CDH12: variants seen among roughly 807,000 people sequenced by gnomAD.
CDH12 encodes the protein cadherin-12.
In CDH12, 41 loss-of-function variants were observed where a neutral mutation model predicts 74.1. The ratio of observed to expected loss-of-function variants is 0.55; its 90% CI spans 0.43 to 0.72. The LOEUF (loss-of-function observed/expected upper bound fraction) is 0.72, where lower values mean the gene tolerates loss of function less well. CDH12 is among the 30% of genes least tolerant of loss of function. CDH12 has a pLI of 0.00. For missense variants in CDH12, 945 were observed against 977.2 expected (o/e 0.97, Z 0.44); for synonymous variants, 399 against 355.0 (o/e 1.12, Z -1.39).
At chr5:21,827,542 C>A (rs1748748787) in intron 8 of CDH12, among the ~76,000 whole-genome samples, 1 of 152,140 alleles carries the variant, frequency 6.6e-6, no homozygotes, top group Non-Finnish European at 1.5e-5. Flanking sequence ...TTACAAAGCT[C>A]ACAACATTAA....
At chr5:22,554,695 T>G (rs1348461769) in intron 1 of CDH12, among the ~76,000 whole-genome samples, 1 of 152,096 alleles carries the variant, frequency 6.6e-6, no homozygotes, top group African/African-American at 2.4e-5. Context: ...CCTATTTAAC[T>G]ATGTAATGAT....
At chr5:22,186,324 A>C (rs1314420175) in intron 4 of CDH12, among the ~76,000 whole-genome samples, 1 of 152,214 alleles carries the variant, frequency 6.6e-6, no homozygotes, top group Non-Finnish European at 1.5e-5. Context: ...TTTTGATTTG[A>C]ATTTATCAGA....
chr5:22,629,202 C>A (rs987580884), intron 1 of CDH12, among the ~76,000 whole-genome samples: 7 of 151,992 alleles, frequency 4.6e-5, no homozygotes, highest in African/African-American at 1.7e-4. Flanking sequence ...TCTACTAAAA[C>A]TATTTCAAAA....
At chr5:22,735,366 G>T (rs1358634238) in intron 1 of CDH12, among the ~76,000 whole-genome samples, 2 of 151,822 alleles carry the variant, frequency 1.3e-5, no homozygotes, top group African/African-American at 4.8e-5. Context: ...GAAAATTTAT[G>T]AAATACACAC....
At chr5:22,682,524 T>C (rs1191377667) in intron 1 of CDH12, among the ~76,000 whole-genome samples, 1 of 152,064 alleles carries the variant, frequency 6.6e-6, no homozygotes, top group Non-Finnish European at 1.5e-5. Flanking sequence ...ATTTTAAGTG[T>C]ATATTACAGG....
In CDH12 at chr5:21,920,831, C is replaced by T. The variant is rs1370059854; in HGVS notation, c.526+54260G>A. Among the ~76,000 whole-genome samples the T allele has an allele frequency of 2.0e-5, 3 of 151,976 alleles. No homozygotes were observed. The East Asian group carries it at 5.8e-4, about 29-fold the overall frequency. On this transcript the variant is annotated intron_variant, in intron 6 of 14. Coordinates refer to ENST00000382254, the MANE Select transcript of CDH12 (RefSeq NM_004061.5). ...CACAATTTTATTTCATTTTTCTGAA[C>T]CTTCAACAACCCAAAAACATTTAGG...
At chr5:22,788,350 T>A (rs1747744595) in intron 1 of CDH12, among the ~76,000 whole-genome samples, 1 of 151,948 alleles carries the variant, frequency 6.6e-6, no homozygotes. Context: ...GGCAGATTTA[T>A]ATGCACCTTT....
chr5:22,549,666 A>G (rs1738480688), intron 1 of CDH12, among the ~76,000 whole-genome samples: 1 of 152,176 alleles, frequency 6.6e-6, no homozygotes, highest in African/African-American at 2.4e-5. Flanking sequence ...GAAATTTCTA[A>G]TATAGAGAAA....
chr5:21,894,088 A>G (rs1434656534), intron 6 of CDH12, among the ~76,000 whole-genome samples: 2 of 152,176 alleles, frequency 1.3e-5, no homozygotes, highest in Non-Finnish European at 2.9e-5. Flanking sequence ...TAAAGAAAAG[A>G]TAAATATTGG....
chr5:22,097,411 T>C (rs181563218), intron 4 of CDH12, among the ~76,000 whole-genome samples: 1 of 152,100 alleles, frequency 6.6e-6, no homozygotes, highest in African/African-American at 2.4e-5. Flanking sequence ...CCTTAATCAA[T>C]AAGGAGGCTA....
rs140718081 is a variant in CDH12, at chr5:22,692,840, C to T, written c.-523+160218G>A. ...TTTTTTTTTCCTGAATAAACCATTG[C>T]CTCCCATTTGTTTTTTCCTGCCATT... On this transcript the variant is annotated intron_variant, in intron 1 of 14. Coordinates refer to ENST00000382254, the MANE Select transcript of CDH12 (RefSeq NM_004061.5). Among the ~76,000 whole-genome samples the T allele has an allele frequency of 6.0e-3, 918 of 152,048 alleles. 6 individuals are homozygous for T. The highest frequency in any genetic ancestry group is 0.027 in the Middle Eastern group (8 of 294).
chr5:21,971,347 T>TA lies in CDH12; in HGVS notation c.526+3743dup, dbSNP rs201149330. 5.4e-3 allele frequency among the ~76,000 whole-genome samples: 825 copies of TA among 151,938 alleles called. 4 individuals are homozygous for TA. The highest frequency in any genetic ancestry group is 0.019 in the African/African-American group (790 of 41,456). ...CACAGGGGTTATTAAGTTTTCACAT[T>TA]AAAAAAAATCCAACAGTGAATAATA... On this transcript the variant is annotated intron_variant, in intron 6 of 14. Coordinates refer to ENST00000382254, the MANE Select transcript of CDH12 (RefSeq NM_004061.5).
chr5:22,401,606 T>C (rs1742732649), intron 3 of CDH12, among the ~76,000 whole-genome samples: 1 of 152,168 alleles, frequency 6.6e-6, no homozygotes, highest in Non-Finnish European at 1.5e-5. Context: ...TAATAGTTCA[T>C]TTAATTTCCA....
At chr5:21,941,670 C>G (rs542956794) in intron 6 of CDH12, among the ~76,000 whole-genome samples, 181 of 152,134 alleles carry the variant, frequency 1.2e-3, no homozygotes, top group African/African-American at 4.2e-3. Flanking sequence ...TTGCTGTTCT[C>G]TGACTTCAAG....
At chr5:22,631,488 C>T (rs1401056858) in intron 1 of CDH12, among the ~76,000 whole-genome samples, 1 of 152,004 alleles carries the variant, frequency 6.6e-6, no homozygotes, top group Non-Finnish European at 1.5e-5. Flanking sequence ...TTTGCAGCAA[C>T]ATGGATGGAG....
chr5:22,316,376 T>A (rs1341273439), intron 3 of CDH12, among the ~76,000 whole-genome samples: 1 of 152,254 alleles, frequency 6.6e-6, no homozygotes. Flanking sequence ...ATAAAAAGTT[T>A]GTAGAAGACT....
chr5:22,511,715 G>A (rs548807194), intron 1 of CDH12, among the ~76,000 whole-genome samples: 24 of 152,286 alleles, frequency 1.6e-4, no homozygotes, highest in South Asian at 8.3e-4. Flanking sequence ...AACCTGGACC[G>A]CAGGAATTCT....
At chr5:22,485,410 T>A (rs1328854387) in intron 2 of CDH12, among the ~76,000 whole-genome samples, 1 of 152,186 alleles carries the variant, frequency 6.6e-6, no homozygotes, top group Non-Finnish European at 1.5e-5. Context: ...AAGCTGGTCT[T>A]AAACTCCTGG....
chr5:22,564,094 C>T (rs1739183789), intron 1 of CDH12, among the ~76,000 whole-genome samples: 1 of 152,102 alleles, frequency 6.6e-6, no homozygotes, highest in Admixed American at 6.5e-5. Context: ...AACTGCCAAC[C>T]CCCAACCACA....
Sources: allele counts gnomAD v4.1 joint callset (sites outside exome capture counted in the v4.1 genomes callset), GRCh38; gene constraint gnomAD v4.1.1; transcripts MANE v1.5; gene names NCBI Gene and HGNC (gene_info 2026-07-23, HGNC 2026-07-21).